ANO4: variants seen among roughly 807,000 people sequenced by gnomAD.
ANO4 encodes the protein anoctamin 4, also known as anoctamin-4.
Under a neutral mutation model 141.9 loss-of-function variants are expected in ANO4, and 69 were observed. That is an observed-to-expected ratio of 0.49 (90% CI 0.40 to 0.59). The LOEUF (loss-of-function observed/expected upper bound fraction) is 0.59. ANO4 is among the 20% of genes least tolerant of loss of function. The probability of loss-of-function intolerance (pLI) is 0.00; values close to 1 mark genes in which losing one functional copy is unlikely to be tolerated. For missense variants in ANO4, 894 were observed against 1,162.2 expected (o/e 0.77, Z 3.36); for synonymous variants, 350 against 394.3 (o/e 0.89, Z 1.33).
chr12:100,994,736 C>T (rs1182950796), intron 8 of ANO4, among the ~76,000 whole-genome samples: 3 of 152,310 alleles, frequency 2.0e-5, no homozygotes, highest in South Asian at 2.1e-4. Context: ...CACTCATCCA[C>T]GTATTCCATA....
chr12:100,963,921 C>T (rs1352963904), intron 5 of ANO4, among the ~76,000 whole-genome samples: 1 of 152,158 alleles, frequency 6.6e-6, no homozygotes, highest in African/African-American at 2.4e-5. Context: ...CAGTACTATA[C>T]AACCATGACA....
chr12:100,777,298 T>TC (rs1555216684), intron 3 of ANO4, among the ~76,000 whole-genome samples: 1 of 139,540 alleles, frequency 7.2e-6, no homozygotes, highest in African/African-American at 2.9e-5. Context: ...TTTTTTTTTT[T>TC]AGTAGAGATG....
chr12:100,923,370 A>T (rs2136108795), intron 3 of ANO4, among the ~76,000 whole-genome samples: 1 of 147,446 alleles, frequency 6.8e-6, no homozygotes, highest in African/African-American at 2.5e-5. Flanking sequence ...CCCACCTATG[A>T]GTGAGAACAT....
chr12:100,921,144 A>G (rs2041614223), intron 2 of ANO4, among the ~76,000 whole-genome samples: 2 of 152,070 alleles, frequency 1.3e-5, no homozygotes, highest in South Asian at 4.1e-4. Context: ...TACTTTGTTG[A>G]GAATCTACTT....
intron 1 of ANO4, among the ~76,000 whole-genome samples, chr12:100,875,786 T>C (rs2039270993): frequency 6.6e-6 from 1 of 151,728 alleles, no homozygotes; most frequent in Non-Finnish European, 1.5e-5. Flanking sequence ...ATTTTGGGCA[T>C]GAGCAACTGG....
chr12:101,011,102 C>T (rs899313852), intron 8 of ANO4, among the ~76,000 whole-genome samples: 2 of 152,114 alleles, frequency 1.3e-5, no homozygotes, highest in Non-Finnish European at 2.9e-5. Context: ...CTCGTTTGGG[C>T]TTCTTTACCC....
chr12:101,071,118 C>T (rs1005310854), intron 14 of ANO4, among the ~76,000 whole-genome samples: 3 of 152,076 alleles, frequency 2.0e-5, no homozygotes, highest in African/African-American at 7.2e-5. Context: ...CGAGGTTCCT[C>T]ACAGACAAAA....
intron 3 of ANO4, among the ~76,000 whole-genome samples, chr12:100,753,195 A>C (rs575038264): frequency 4.6e-5 from 7 of 152,208 alleles, no homozygotes; most frequent in Non-Finnish European, 8.8e-5. Context: ...GCCATGCCAC[A>C]TGGATGAGCC....
intron 8 of ANO4, among the ~76,000 whole-genome samples, chr12:101,015,866 G>A (rs571737586): frequency 2.0e-5 from 3 of 152,246 alleles, no homozygotes; most frequent in Admixed American, 2.0e-4. Flanking sequence ...ATATGTGTGT[G>A]TATGAGAGAG....
chr12:100,814,150 G>A (rs2035597895), intron 1 of ANO4, among the ~76,000 whole-genome samples: 1 of 152,034 alleles, frequency 6.6e-6, no homozygotes, highest in Non-Finnish European at 1.5e-5. Flanking sequence ...CTCGAAAACG[G>A]TATACTATAT....
chr12:100,970,663 C>CTCCTTCCTTCCTTCCTTCCTTCCT (rs59596019), intron 5 of ANO4, among the ~76,000 whole-genome samples: 2 of 91,752 alleles, frequency 2.2e-5, no homozygotes, highest in African/African-American at 4.3e-5. Flanking sequence ...CTCCCTCCCT[C>CTCCTTCCTTCCTTCCTTCCTTCCT]TCCTTCCTTC....
At chr12:100,813,703 A>G (rs1378161808) in intron 1 of ANO4, among the ~76,000 whole-genome samples, 1 of 152,230 alleles carries the variant, frequency 6.6e-6, no homozygotes. Flanking sequence ...TAAATTTTCC[A>G]ACTGATAAAA....
rs767526934 is a variant in ANO4 at position 100,901,860 on chromosome 12, A to G, written c.55+20A>G. ...ACCCAGGTGATGCATGGGGAAGTTC[A>G]ACGGGGACCCATTTCAGTAGCAACC... On this transcript the variant is annotated intron_variant, in intron 2 of 27. Transcript: ENST00000392977. 6.3e-7 allele frequency: 1 copy of G among 1,576,200 alleles called. No homozygotes were observed. The highest frequency in any genetic ancestry group is 8.6e-7 in the Non-Finnish European group (1 of 1,160,516).
At chr12:101,006,800 G>T (rs1380083715) in intron 8 of ANO4, among the ~76,000 whole-genome samples, 1 of 152,146 alleles carries the variant, frequency 6.6e-6, no homozygotes, top group Non-Finnish European at 1.5e-5. Flanking sequence ...AAACATTCCT[G>T]ATAGTGGTTA....
At chr12:101,040,805 C>T (rs2047383375) in intron 11 of ANO4, among the ~76,000 whole-genome samples, 1 of 151,404 alleles carries the variant, frequency 6.6e-6, no homozygotes, top group Non-Finnish European at 1.5e-5. Context: ...TCCCTGTGTC[C>T]ATGTGTTCTC....
intron 3 of ANO4, among the ~76,000 whole-genome samples, chr12:100,778,694 T>G (rs1215198597): frequency 1.3e-5 from 2 of 152,194 alleles, no homozygotes; most frequent in Non-Finnish European, 1.5e-5. Context: ...ATTTGTAAAT[T>G]CGGGTTACGG....
At chr12:100,852,659 C>T (rs1290127589) in intron 1 of ANO4, 1 of 152,168 alleles carries the variant, frequency 6.6e-6, no homozygotes, top group Non-Finnish European at 1.5e-5. Context: ...TCCTTGTGGG[C>T]ACGTTGCTGC....
intron 14 of ANO4, chr12:101,068,944 T>G: frequency 2.5e-6 from 2 of 793,020 alleles, no homozygotes; most frequent in Non-Finnish European, 4.6e-6. Flanking sequence ...TAAGGATCTC[T>G]TACACAGATG....
chr12:100,772,837 A>G (rs553509856), intron 3 of ANO4, among the ~76,000 whole-genome samples: 1 of 152,298 alleles, frequency 6.6e-6, no homozygotes, highest in Admixed American at 6.5e-5. Context: ...ATGTGTAAGG[A>G]AGATGTAAAA....
Sources: allele counts gnomAD v4.1 joint callset (sites outside exome capture counted in the v4.1 genomes callset), GRCh38; gene constraint gnomAD v4.1.1; transcripts MANE v1.5; gene names NCBI Gene and HGNC (gene_info 2026-07-23, HGNC 2026-07-21).